Variants in CNTLN observed in about 807,000 individuals in gnomAD.
CNTLN encodes centlein, centrosomal protein.
A neutral mutation model predicts 180.0 loss-of-function variants in CNTLN; 212 were observed. The ratio of observed to expected loss-of-function variants is 1.18; its 90% CI spans 1.05 to 1.32. The LOEUF (loss-of-function observed/expected upper bound fraction) is 1.32, where lower values mean the gene tolerates loss of function less well. CNTLN is among the 40% of genes most tolerant of loss of function. The pLI is 0.00. For synonymous variants in CNTLN, 722 were observed against 563.1 expected (o/e 1.28, Z -3.99); for missense variants, 2,095 against 1,610.9 (o/e 1.30, Z -5.14).
At chr9:17,428,655 A>G (rs1235224845) in intron 18 of CNTLN, among the ~76,000 whole-genome samples, 2 of 152,074 alleles carry the variant, frequency 1.3e-5, no homozygotes, top group Non-Finnish European at 2.9e-5. Flanking sequence ...AAAATAATTC[A>G]GTTGAGATCC....
At chr9:17,356,981 A>T (rs1351411507) in intron 12 of CNTLN, among the ~76,000 whole-genome samples, 1 of 151,674 alleles carries the variant, frequency 6.6e-6, no homozygotes, top group Non-Finnish European at 1.5e-5. Context: ...ATGTATTATG[A>T]GTGTGTGTGT....
At chr9:17,412,456 G>A (rs938048620) in intron 16 of CNTLN, among the ~76,000 whole-genome samples, 2 of 152,096 alleles carry the variant, frequency 1.3e-5, no homozygotes, top group African/African-American at 4.8e-5. Flanking sequence ...CACTACAATG[G>A]TTTGAGTTAA....
intron 8 of CNTLN, among the ~76,000 whole-genome samples, chr9:17,327,256 G>T (rs1334507439): frequency 8.5e-6 from 1 of 117,910 alleles, no homozygotes; most frequent in African/African-American, 3.2e-5. Context: ...CTCTTGCCCA[G>T]GCTGGAGGGC....
chr9:17,325,378 A>ATGTGTG (rs74311460), intron 8 of CNTLN, among the ~76,000 whole-genome samples: 17 of 128,174 alleles, frequency 1.3e-4, no homozygotes, highest in African/African-American at 2.7e-4. Flanking sequence ...ATGTGTATGT[A>ATGTGTG]TGTGTGTGTG....
chr9:17,234,444 C>G (rs955083732), intron 3 of CNTLN, among the ~76,000 whole-genome samples: 2 of 151,704 alleles, frequency 1.3e-5, no homozygotes, highest in Non-Finnish European at 2.9e-5. Context: ...CGAGACCTGT[C>G]TCTCAAAAAA....
At chr9:17,284,776 G>C (rs200734487) in intron 6 of CNTLN, among the ~76,000 whole-genome samples, 1 of 151,620 alleles carries the variant, frequency 6.6e-6, no homozygotes, top group South Asian at 2.1e-4. Flanking sequence ...CTCTGATCTT[G>C]GTTATTTCTT....
At chr9:17,331,023 T>C (rs1820608961) in intron 9 of CNTLN, among the ~76,000 whole-genome samples, 1 of 152,040 alleles carries the variant, frequency 6.6e-6, no homozygotes, top group Admixed American at 6.6e-5. Context: ...GTTAATTAAA[T>C]ATATTATTAG....
In CNTLN at chr9:17,423,660, C is replaced by T. The variant is rs189647988; in HGVS notation, c.3114+7471C>T. On this transcript the variant is annotated intron_variant, in intron 18 of 25. Coordinates refer to ENST00000380647, the MANE Select transcript of CNTLN (RefSeq NM_017738.4). ...TTTATTATTGCCTTTCATATTTATT[C>T]AGTACTGCAGGACACTTTAGTTAGC... 2.6e-4 allele frequency among the ~76,000 whole-genome samples: 40 copies of T among 152,264 alleles called. 2 individuals carry two copies. Among genetic ancestry groups the T allele is most frequent in the Admixed American group, 1.2e-3 (18 of 15,286 alleles).
chr9:17,505,766 T>C (rs566970755), downstream of CNTLN, among the ~76,000 whole-genome samples: 8 of 152,154 alleles, frequency 5.3e-5, no homozygotes, highest in Admixed American at 1.3e-4. Context: ...ATTTAGGAAA[T>C]AGAGAACATT....
intron 3 of CNTLN, among the ~76,000 whole-genome samples, chr9:17,229,824 A>G (rs1824700894): frequency 6.6e-6 from 1 of 152,160 alleles, no homozygotes; most frequent in African/African-American, 2.4e-5. Context: ...TTTTATGTTT[A>G]TCTGGCTAGA....
intron 12 of CNTLN, among the ~76,000 whole-genome samples, chr9:17,355,572 T>C (rs759271840): frequency 4.6e-5 from 7 of 152,252 alleles, no homozygotes; most frequent in Non-Finnish European, 1.0e-4. Context: ...TTAACTCTTA[T>C]ATTTAGGCCT....
At chr9:17,292,785 C>G (rs912066581) in intron 6 of CNTLN, among the ~76,000 whole-genome samples, 1 of 152,158 alleles carries the variant, frequency 6.6e-6, no homozygotes, top group African/African-American at 2.4e-5. Context: ...TACCCACCTT[C>G]TGAGGCCTAC....
chr9:17,298,416 A>G, intron 7 of CNTLN, 64 bp downstream of exon 7: 1 of 1,347,390 alleles, frequency 7.4e-7, no homozygotes, highest in Non-Finnish European at 9.6e-7. Context: ...CATATATAGA[A>G]TTCAGATTTT....
chr9:17,237,401 A>T (rs1825218493), intron 5 of CNTLN, among the ~76,000 whole-genome samples: 1 of 138,482 alleles, frequency 7.2e-6, no homozygotes. Context: ...ACACACACAC[A>T]CACACGGTTA....
intron 7 of CNTLN, among the ~76,000 whole-genome samples, chr9:17,308,525 C>A (rs1026323428): frequency 6.6e-6 from 1 of 152,028 alleles, no homozygotes; most frequent in African/African-American, 2.4e-5. Context: ...ATGAAATACT[C>A]CTGATTTTGT....
chr9:17,368,929 A>C (rs1338041102), intron 13 of CNTLN, among the ~76,000 whole-genome samples: 1 of 152,154 alleles, frequency 6.6e-6, no homozygotes, highest in Non-Finnish European at 1.5e-5. Flanking sequence ...GGGTACAAAC[A>C]ATCCCAGACT....
At chr9:17,318,479 A>T (rs1210115930) in intron 8 of CNTLN, among the ~76,000 whole-genome samples, 1 of 152,194 alleles carries the variant, frequency 6.6e-6, no homozygotes, top group East Asian at 1.9e-4. Flanking sequence ...TATAAAAAGG[A>T]GTTAGAGCCT....
At chr9:17,463,451 G>A (rs1381510800) in intron 20 of CNTLN, among the ~76,000 whole-genome samples, 2 of 151,536 alleles carry the variant, frequency 1.3e-5, no homozygotes, top group East Asian at 1.9e-4. Flanking sequence ...GTGTTTATCA[G>A]TACAAAGATT....
intron 18 of CNTLN, chr9:17,447,320 G>T: frequency 5.0e-6 from 1 of 200,332 alleles, no homozygotes; most frequent in South Asian, 1.0e-4. Flanking sequence ...AATACACTTT[G>T]GGGCCCTCCC....
Sources: allele counts gnomAD v4.1 joint callset (sites outside exome capture counted in the v4.1 genomes callset), GRCh38; gene constraint gnomAD v4.1.1; transcripts MANE v1.5; gene names NCBI Gene and HGNC (gene_info 2026-07-23, HGNC 2026-07-21).